PDZRN4: variants seen among roughly 807,000 people sequenced by gnomAD.
PDZRN4 encodes PDZ domain-containing RING finger protein 4.
Under a neutral mutation model 99.0 loss-of-function variants are expected in PDZRN4, and 70 were observed. The observed-to-expected ratio is 0.71, with a 90% CI of 0.58 to 0.86. The LOEUF (loss-of-function observed/expected upper bound fraction) is 0.86, where lower values mean the gene tolerates loss of function less well. PDZRN4 is among the 40% of genes least tolerant of loss of function. The pLI, the probability that PDZRN4 is intolerant of heterozygous loss-of-function variation, is 0.00. For missense variants in PDZRN4, 1,474 were observed against 1,331.2 expected, an observed-to-expected ratio of 1.11 and a Z score of -1.67; for synonymous variants, 551 against 501.6, an observed-to-expected ratio of 1.10 and a Z score of -1.32.
At chr12:41,347,576 C>T (rs1050552648) in intron 3 of PDZRN4, among the ~76,000 whole-genome samples, 9 of 152,160 alleles carry the variant, frequency 5.9e-5, no homozygotes, top group African/African-American at 2.2e-4. Context: ...TTGGCAAATA[C>T]TTTTTCTTAT....
At chr12:41,207,876 A>T (rs1950862196) in intron 3 of PDZRN4, among the ~76,000 whole-genome samples, 2 of 151,794 alleles carry the variant, frequency 1.3e-5, no homozygotes, top group Admixed American at 1.3e-4. Context: ...AGACCTATGG[A>T]GTTGATGGCT....
At chr12:41,202,778 C>A (rs547059796) in intron 3 of PDZRN4, among the ~76,000 whole-genome samples, 2 of 152,062 alleles carry the variant, frequency 1.3e-5, no homozygotes, top group East Asian at 3.9e-4. Flanking sequence ...AAATCTTTGA[C>A]TTATAACATT....
intron 3 of PDZRN4, among the ~76,000 whole-genome samples, chr12:41,194,785 C>T (rs1950761015): frequency 1.3e-5 from 2 of 152,108 alleles, no homozygotes; most frequent in Non-Finnish European, 2.9e-5. Context: ...ACTATGATGT[C>T]ACTTGCTTGA....
chr12:41,472,612 GAGGTATCCT>G (rs930054126), intron 3 of PDZRN4, among the ~76,000 whole-genome samples: 45 of 152,100 alleles, frequency 3.0e-4, no homozygotes, highest in Non-Finnish European at 1.0e-4. Flanking sequence ...TTTTTAAAAA[GAGGTATCCT>G]AGGCTCATCA....
At chr12:41,202,649 C>A (rs1333080024) in intron 3 of PDZRN4, among the ~76,000 whole-genome samples, 1 of 152,008 alleles carries the variant, frequency 6.6e-6, no homozygotes. Flanking sequence ...TTATAATCAG[C>A]AACTCAGAGG....
chr12:41,431,229 A>T (rs1952583610), intron 3 of PDZRN4, among the ~76,000 whole-genome samples: 1 of 152,214 alleles, frequency 6.6e-6, no homozygotes, highest in African/African-American at 2.4e-5. Flanking sequence ...GCCAACAAGT[A>T]TTGGGCACAT....
chr12:41,218,209 A>T (rs1003386406), intron 3 of PDZRN4, among the ~76,000 whole-genome samples: 3 of 152,072 alleles, frequency 2.0e-5, no homozygotes, highest in Non-Finnish European at 4.4e-5. Context: ...TTTGTCTGTT[A>T]TATGACTCTG....
intron 3 of PDZRN4, among the ~76,000 whole-genome samples, chr12:41,311,828 C>T (rs1380723739): frequency 6.6e-6 from 1 of 152,088 alleles, no homozygotes; most frequent in Non-Finnish European, 1.5e-5. Flanking sequence ...TAAAAGAAAA[C>T]ATGTTAGAAA....
chr12:41,203,102 A>G (rs900432176), intron 3 of PDZRN4, among the ~76,000 whole-genome samples: 5 of 152,040 alleles, frequency 3.3e-5, no homozygotes, highest in Non-Finnish European at 4.4e-5. Flanking sequence ...ACATAAACAC[A>G]TATTTAAATG....
intron 3 of PDZRN4, among the ~76,000 whole-genome samples, chr12:41,335,617 G>C (rs12369680): frequency 6.6e-6 from 1 of 151,980 alleles, no homozygotes; most frequent in African/African-American, 2.4e-5. Context: ...TATAATGTTT[G>C]CCCAGGATAT....
intron 3 of PDZRN4, among the ~76,000 whole-genome samples, chr12:41,214,012 T>A (rs1426216725): frequency 6.6e-6 from 1 of 151,976 alleles, no homozygotes; most frequent in Admixed American, 6.6e-5. Flanking sequence ...CATAGCCACC[T>A]TCGTAAAAAT....
intron 3 of PDZRN4, among the ~76,000 whole-genome samples, chr12:41,260,259 A>G (rs1299366781): frequency 6.6e-6 from 1 of 152,032 alleles, no homozygotes; most frequent in Non-Finnish European, 1.5e-5. Flanking sequence ...ACAATACTTC[A>G]TTCATCCTAT....
chr12:41,573,428 A>G lies in PDZRN4; in HGVS notation c.2649A>G (p.Ser883=). 6.2e-7 allele frequency: 1 copy of G among 1,613,884 alleles called. No homozygotes were observed. The highest frequency in any genetic ancestry group is 8.5e-7 in the Non-Finnish European group (1 of 1,180,004). The change falls in exon 10 of 10, where the codon TCA becomes TCG. Residue 883 remains serine, a synonymous_variant. Transcript: ENST00000402685. ...TGTGCAAGGAGTCTCAGAAGTGTTC[A>G]GAGCCCAAGATGGAATGGAAGGTGA... ...VSMCKESQKC[S]EPKMEWKVKI...
At chr12:41,397,860 T>C (rs193057855) in intron 3 of PDZRN4, among the ~76,000 whole-genome samples, 151 of 152,274 alleles carry the variant, frequency 9.9e-4, no homozygotes, top group African/African-American at 3.5e-3. Context: ...TATGTTATCC[T>C]ATCCTTTGAG....
chr12:41,260,664 A>G (rs1276985951), intron 3 of PDZRN4, among the ~76,000 whole-genome samples: 1 of 152,172 alleles, frequency 6.6e-6, no homozygotes, highest in Non-Finnish European at 1.5e-5. Flanking sequence ...TAGTTCCATC[A>G]AAATACTTAA....
chr12:41,315,558 T>C lies in PDZRN4; in HGVS notation c.843+121370T>C, dbSNP rs568721798. ...TAGTTTGATTTTTAATCTTGGTTAG[T>C]ATAAAACTATAATTCTTGTGATTTT... On this transcript the variant is annotated intron_variant, in intron 3 of 9. Coordinates refer to ENST00000402685, the MANE Select transcript of PDZRN4 (RefSeq NM_001164595.2). Among the ~76,000 whole-genome samples, 4 of 152,286 alleles carry C rather than the reference T, an allele frequency of 2.6e-5. No individual in the cohort carries two copies. In the South Asian group the frequency reaches 8.3e-4, roughly 32 times the overall value.
At chr12:41,414,273 TG>T (rs1952424514) in intron 3 of PDZRN4, among the ~76,000 whole-genome samples, 1 of 152,174 alleles carries the variant, frequency 6.6e-6, no homozygotes, top group Admixed American at 6.6e-5. Flanking sequence ...TTAGGCAGTC[TG>T]ATGACTATAT....
intron 3 of PDZRN4, among the ~76,000 whole-genome samples, chr12:41,209,857 T>C (rs1403531091): frequency 6.7e-6 from 1 of 149,934 alleles, no homozygotes. Flanking sequence ...TTTGGGTATA[T>C]ACCCAGTAAC....
intron 5 of PDZRN4, among the ~76,000 whole-genome samples, chr12:41,524,512 G>A (rs1287905941): frequency 2.0e-5 from 3 of 152,044 alleles, no homozygotes; most frequent in African/African-American, 7.2e-5. Flanking sequence ...TCTACAGAAA[G>A]GGAAAGTATA....
Sources: gnomAD v4.1 joint callset for allele counts (sites outside exome capture counted in the v4.1 genomes callset) on GRCh38, gnomAD v4.1.1 for gene constraint, MANE v1.5 for transcripts, NCBI Gene and HGNC (gene_info 2026-07-23, HGNC 2026-07-21) for gene names.